Variants in TBKBP1 observed in about 807,000 individuals in gnomAD.
TBKBP1 encodes the protein TBK1 binding protein 1.
A neutral mutation model predicts 69.9 loss-of-function variants in TBKBP1; 47 were observed. The observed-to-expected ratio is 0.67, with a 90% confidence interval of 0.53 to 0.86. The LOEUF (loss-of-function observed/expected upper bound fraction) is 0.86. TBKBP1 is among the 40% of genes least tolerant of loss of function. The pLI is 0.00. For synonymous variants in TBKBP1, 418 were observed against 390.3 expected, an observed-to-expected ratio of 1.07 and a Z score of -0.84; for missense variants, 831 against 858.6, an observed-to-expected ratio of 0.97 and a Z score of 0.40.
chr17:47,699,393 G>T lies in TBKBP1; in HGVS notation c.708G>T (p.Ala236=). The T allele has an allele frequency of 4.5e-6, 7 of 1,566,438 alleles. No homozygotes were observed. The highest frequency in any genetic ancestry group is 1.2e-5 in the South Asian group (1 of 85,320). The stretch of plus-strand genomic sequence containing the variant: ...GGCTAGAAGAGGCTTTGGAGGCCGC[G>T]CAGGGAGAGGCCCGGGGGGCTCAGC... ...RRRLEEALEA[A]QGEARGAQLR... Residue 236 remains alanine, a synonymous_variant, in exon 6 of 10, where the codon GCG becomes GCT. Transcript: ENST00000578982.
intron 7 of TBKBP1, among the ~76,000 whole-genome samples, chr17:47,702,396 C>T (rs1026712819): frequency 2.6e-5 from 4 of 152,082 alleles, no homozygotes; most frequent in African/African-American, 7.2e-5. Context: ...CACTCTTAGG[C>T]GGGAGTCTTC....
Position 47,696,808 on chromosome 17 carries a change from A to G in TBKBP1, c.323A>G (p.Gln108Arg). The G allele has an allele frequency of 6.2e-7, 1 of 1,613,926 alleles. No homozygotes were observed. Among genetic ancestry groups the G allele is most frequent in the East Asian group, 2.2e-5 (1 of 44,884 alleles). Residue 108 changes from glutamine to arginine, a missense_variant, in exon 3 of 10, where the codon CAA (glutamine) becomes CGA (arginine). Physicochemically the swap from Gln to Arg is conservative, Grantham distance 43. Coordinates refer to ENST00000578982, the MANE Select transcript of TBKBP1 (RefSeq NM_001394755.1). The stretch of plus-strand genomic sequence containing the variant: ...GAGGTGGAGAAGGTCAGCCTGCAGC[A>G]ACGGCTCAACCAGTTCCAGCATGAG... ...LLEVEKVSLQ[Q>R]RLNQFQHELQ...
intron 4 of TBKBP1, among the ~76,000 whole-genome samples, chr17:47,697,967 A>AC (rs2031317610): frequency 1.3e-5 from 2 of 150,250 alleles, no homozygotes; most frequent in Non-Finnish European, 3.0e-5. Context: ...AAAAAAAAAA[A>AC]AAAAAAAATC....
At position 47,710,529 on chromosome 17, in the gene TBKBP1, G is replaced by T. The variant is rs753743825; in HGVS notation, c.1751G>T (p.Arg584Leu). The T allele has an allele frequency of 1.9e-6, 3 of 1,611,352 alleles. No individual in the cohort carries two copies. The highest frequency in any genetic ancestry group is 1.7e-6 in the Non-Finnish European group (2 of 1,178,388). ...LLMETVGSDI[R>L]SCPLCQLGFP... ...ATGGAGACGGTGGGCTCCGACATCC[G>T]CAGCTGCCCCCTCTGCCAGCTGGGT... Residue 584 changes from arginine (R) to leucine (L), a missense_variant, in exon 10 of 10, where the codon CGC becomes CTC. Physicochemically the swap from Arg to Leu is moderately radical, Grantham distance 102. Coordinates refer to ENST00000578982, the MANE Select transcript of TBKBP1 (RefSeq NM_001394755.1).
At position 47,708,776 on chromosome 17, in the gene TBKBP1, C is replaced by CG; in HGVS notation, c.1043_1044insG (p.Ser349LeufsTer116). 1.0e-6 allele frequency: 1 copy of CG among 977,880 alleles called. No homozygotes were observed. The highest frequency in any genetic ancestry group is 1.5e-6 in the Non-Finnish European group (1 of 668,054). The allele number at this position is 977,880 out of a possible 1,614,324, so 60.6% of individuals were successfully genotyped here. A position where few individuals can be genotyped will look rare whatever the true frequency, so the allele number is the denominator to read the frequency against. On this transcript the variant is annotated frameshift_variant, in exon 9 of 10. Transcript: ENST00000578982. LOFTEE classifies it high-confidence loss of function. The surrounding 1 kb of genome is among the most constrained non-coding windows in gnomAD (Gnocchi z 4.4). ...CGCCACTCCCCGGCCCCCCAGTGCC[C>CG]CTCCCCCTCCCCGCCTGCCCGAGCG...
At position 47,697,301 on chromosome 17, in the gene TBKBP1, C is replaced by G. The variant is rs1442905997; in HGVS notation, c.453+108C>G. ...GATTCCAGCCTGTGACAGTGCAGTC[C>G]CATGTGTCACACATCACTTGTTTGT... On this transcript the variant is annotated intron_variant, in intron 4 of 9. Transcript: ENST00000578982. The G allele has an allele frequency of 9.3e-5, 85 of 909,652 alleles. 1 individual carries two copies. Among genetic ancestry groups the G allele is most frequent in the South Asian group, 6.3e-4 (40 of 63,830 alleles). The allele number at this position is 909,652 out of a possible 1,614,324, so 56.3% of individuals were successfully genotyped here.
In TBKBP1 at chr17:47,708,601, C is replaced by A; in HGVS notation, c.991+89C>A. Reference sequence around the variant, plus strand: ...AACCATCTTGGTCATGGGGACCACCCTTTATTTCCTTTCCTGTGGCCTGGA... The same window carrying A: ...AACCATCTTGGTCATGGGGACCACCATTTATTTCCTTTCCTGTGGCCTGGA... On this transcript the variant is annotated intron_variant, in intron 8 of 9. Transcript: ENST00000578982. The surrounding 1 kb of genome is among the most constrained non-coding windows in gnomAD (Gnocchi z 4.4). 6.7e-7 allele frequency: 1 copy of A among 1,483,966 alleles called. No individual in the cohort carries two copies. Among genetic ancestry groups the A allele is most frequent in the Non-Finnish European group, 9.2e-7 (1 of 1,090,114 alleles). 91.9% of individuals were successfully genotyped at this position (1,483,966 alleles called of 1,614,324 possible).
At chr17:47,703,545 T>C (rs77722913) in intron 7 of TBKBP1, among the ~76,000 whole-genome samples, 2,347 of 152,320 alleles carry the variant, frequency 0.015, 62 homozygotes, top group African/African-American at 0.055. Flanking sequence ...CTGAGGGATG[T>C]GTGGGCTTTC....
Position 47,709,394 on chromosome 17 carries a change from C to T in TBKBP1, c.1661C>T (p.Ser554Leu), listed in dbSNP as rs771594071. The T allele has an allele frequency of 6.5e-6, 10 of 1,534,912 alleles. No individual in the cohort carries two copies. The highest frequency in any genetic ancestry group is 8.7e-6 in the Non-Finnish European group (10 of 1,148,310). The change falls in exon 9 of 10, where the codon TCG becomes TTG. Residue 554 changes from serine (S) to leucine (L), a missense_variant. By Grantham distance (145) the Ser-to-Leu change is moderately radical (BLOSUM62 -2). Coordinates refer to ENST00000578982, the MANE Select transcript of TBKBP1 (RefSeq NM_001394755.1). Reference protein sequence around the residue: ...SFCAGFPIPESPAATAYAHAE... With the variant: ...SFCAGFPIPELPAATAYAHAE... ...TGCGCGGGCTTCCCCATCCCCGAGTCGCCCGCCGCCACCGCCTACGCCCAC... is the reference window on the plus strand; with the variant it reads ...TGCGCGGGCTTCCCCATCCCCGAGTTGCCCGCCGCCACCGCCTACGCCCAC...
chr17:47,697,492 C>A (rs1028660678), intron 4 of TBKBP1, among the ~76,000 whole-genome samples: 9 of 152,028 alleles, frequency 5.9e-5, no homozygotes, highest in African/African-American at 1.7e-4. Flanking sequence ...GCTGGGGTGA[C>A]CCTGTGCCTG....
chr17:47,694,698 T>TGGGCGCACAGGGGC (rs1370644100), intron 1 of TBKBP1: 2 of 128,310 alleles, frequency 1.6e-5, no homozygotes, highest in East Asian at 5.1e-4. Context: ...GCCAGCGGGG[T>TGGGCGCACAGGGGC]GGGCGCAGAG....
At chr17:47,709,568 C>A in intron 9 of TBKBP1, 116 bp downstream of exon 9, 1 of 1,358,340 alleles carries the variant, frequency 7.4e-7, no homozygotes, top group African/African-American at 1.5e-5. Context: ...ACAAACTATT[C>A]ACCCTCCTTG....
rs201003350 is a variant in TBKBP1, at chr17:47,710,657, C to T, written c.*31C>T. ...CAGCCCCACCCACTGGCTGTTTCTCCGTCCTCTCCTATCACCCCCAAACAC... is the reference window on the plus strand; with the variant it reads ...CAGCCCCACCCACTGGCTGTTTCTCTGTCCTCTCCTATCACCCCCAAACAC... On this transcript the variant is annotated 3_prime_UTR_variant, in exon 10 of 10. Coordinates refer to ENST00000578982, the MANE Select transcript of TBKBP1 (RefSeq NM_001394755.1). 179 of 1,583,882 alleles carry T rather than the reference C, an allele frequency of 1.1e-4. No homozygotes were observed. The highest frequency in any genetic ancestry group is 2.1e-4 in the South Asian group (19 of 90,114).
At chr17:47,702,974 G>T (rs2031563169) in intron 7 of TBKBP1, among the ~76,000 whole-genome samples, 1 of 135,466 alleles carries the variant, frequency 7.4e-6, no homozygotes, top group Non-Finnish European at 1.6e-5. Flanking sequence ...TGCTGAGGGG[G>T]AGGGGAAATG....
intron 5 of TBKBP1, 52 bp from the exon 6 acceptor site, chr17:47,699,268 G>T (rs2031386551): frequency 6.9e-7 from 1 of 1,453,772 alleles, no homozygotes. Context: ...TCTGGCTCTG[G>T]GAGCTGGAGG....
intron 5 of TBKBP1, 85 bp from the exon 6 acceptor site, chr17:47,699,235 C>T (rs2143277122): frequency 7.3e-7 from 1 of 1,374,880 alleles, no homozygotes; most frequent in Non-Finnish European, 9.4e-7. Flanking sequence ...TTGGAGTCCC[C>T]ATGCTGCATC....
intron 1 of TBKBP1, chr17:47,694,755 G>A (rs1408777784): frequency 6.6e-6 from 1 of 151,966 alleles, no homozygotes; most frequent in Non-Finnish European, 1.5e-5. Flanking sequence ...GGCGCGCGGA[G>A]CTGGGGGGAG....
intron 7 of TBKBP1, among the ~76,000 whole-genome samples, chr17:47,700,956 C>T (rs757751514): frequency 1.3e-5 from 2 of 152,114 alleles, no homozygotes; most frequent in Non-Finnish European, 2.9e-5. Flanking sequence ...AACCTCTTTC[C>T]GCCTAAGTCC....
Position 47,708,835 on chromosome 17 carries a change from C to G in TBKBP1, c.1102C>G (p.Pro368Ala). Reference sequence around the variant, plus strand: ...GTGCCCCCCGTGCCAGTCCCCCGTCCCCCAGCGCCGCTCTCCCGTGCCCCC... The same window carrying G: ...GTGCCCCCCGTGCCAGTCCCCCGTCGCCCAGCGCCGCTCTCCCGTGCCCCC... Reference protein sequence around the residue: ...PPCPPCQSPVPQRRSPVPPCP... With the variant: ...PPCPPCQSPVAQRRSPVPPCP... Residue 368 changes from proline (P) to alanine (A), a missense_variant, in exon 9 of 10, where the codon CCC becomes GCC. Physicochemically the swap from Pro to Ala is conservative, Grantham distance 27. Transcript: ENST00000578982. This position sits in a 1 kb window ranked among gnomAD's most constrained non-coding sequence, Gnocchi z 4.4. 7.0e-7 allele frequency: 1 copy of G among 1,420,374 alleles called. No homozygotes were observed. The highest frequency in any genetic ancestry group is 9.2e-7 in the Non-Finnish European group (1 of 1,086,788). 88.0% of individuals were successfully genotyped at this position (1,420,374 alleles called of 1,614,324 possible). A position where few individuals can be genotyped will look rare whatever the true frequency, so the allele number is the denominator to read the frequency against.
Sources: allele counts gnomAD v4.1 joint callset (sites outside exome capture counted in the v4.1 genomes callset), GRCh38; gene constraint gnomAD v4.1.1; non-coding constraint Gnocchi (gnomAD v3.1); transcripts MANE v1.5; gene names NCBI Gene and HGNC (gene_info 2026-07-23, HGNC 2026-07-21).